The following GALNTL6 variants were observed in gnomAD, a reference collection of about 807,000 sequenced individuals.
The protein encoded by GALNTL6 is polypeptide N-acetylgalactosaminyltransferase like 6.
In GALNTL6, 46 loss-of-function variants were observed where a neutral mutation model predicts 73.7. The ratio of observed to expected loss-of-function variants is 0.62; its 90% confidence interval spans 0.49 to 0.80. The LOEUF (loss-of-function observed/expected upper bound fraction) is 0.80, where lower values mean the gene tolerates loss of function less well. Ranked by LOEUF, GALNTL6 falls within the 30% of genes least tolerant of loss-of-function variation. GALNTL6 has a pLI of 0.00. For missense variants in GALNTL6, 604 were observed against 755.0 expected, an observed-to-expected ratio of 0.80 and a Z score of 2.34; for synonymous variants, 259 against 263.7, an observed-to-expected ratio of 0.98 and a Z score of 0.17.
intron 5 of GALNTL6, among the ~76,000 whole-genome samples, chr4:172,717,556 G>T (rs146002787): frequency 6.6e-6 from 1 of 152,260 alleles, no homozygotes; most frequent in African/African-American, 2.4e-5. Context: ...GCCTATTTTA[G>T]GGTTGATATA....
At chr4:172,595,189 T>A (rs1202484589) in intron 5 of GALNTL6, among the ~76,000 whole-genome samples, 2 of 152,196 alleles carry the variant, frequency 1.3e-5, no homozygotes, top group African/African-American at 4.8e-5. Context: ...CATATGAATT[T>A]GTGGGGGAGC....
At chr4:172,297,132 G>T (rs1739710021) in intron 3 of GALNTL6, among the ~76,000 whole-genome samples, 1 of 152,148 alleles carries the variant, frequency 6.6e-6, no homozygotes, top group South Asian at 2.1e-4. Flanking sequence ...ATTTTTTCAT[G>T]TCTCTGTTGG....
intron 2 of GALNTL6, among the ~76,000 whole-genome samples, chr4:172,099,427 T>C (rs771898920): frequency 6.6e-6 from 1 of 152,178 alleles, no homozygotes; most frequent in Non-Finnish European, 1.5e-5. Flanking sequence ...ATTTAGTCCA[T>C]CCTTAAAGAA....
chr4:171,985,858 T>C (rs1740057036), intron 2 of GALNTL6, among the ~76,000 whole-genome samples: 1 of 151,382 alleles, frequency 6.6e-6, no homozygotes, highest in Admixed American at 6.6e-5. Flanking sequence ...ACCAACATGG[T>C]GAAACCCCAT....
At chr4:172,273,243 G>A (rs988362700) in intron 3 of GALNTL6, among the ~76,000 whole-genome samples, 3 of 152,116 alleles carry the variant, frequency 2.0e-5, no homozygotes, top group African/African-American at 7.2e-5. Flanking sequence ...TATAATATAT[G>A]TTTGAAGCTG....
At chr4:173,001,612 A>T (rs1451337000) in intron 10 of GALNTL6, among the ~76,000 whole-genome samples, 1 of 152,256 alleles carries the variant, frequency 6.6e-6, no homozygotes, top group East Asian at 1.9e-4. Context: ...TTTACAAGTC[A>T]TATATCTGAT....
intron 3 of GALNTL6, among the ~76,000 whole-genome samples, chr4:172,303,547 T>TA (rs1561015621): frequency 2.0e-5 from 3 of 152,230 alleles, no homozygotes; most frequent in Non-Finnish European, 4.4e-5. Context: ...CTGTTGCCTT[T>TA]AAAAAAATAA....
chr4:172,531,131 T>C (rs1427051431), intron 5 of GALNTL6, among the ~76,000 whole-genome samples: 1 of 152,180 alleles, frequency 6.6e-6, no homozygotes, highest in Non-Finnish European at 1.5e-5. Flanking sequence ...TTGATAGGTT[T>C]TTAGAAAGTC....
chr4:172,049,344 A>G (rs2110854729), intron 2 of GALNTL6, among the ~76,000 whole-genome samples: 1 of 152,298 alleles, frequency 6.6e-6, no homozygotes, highest in East Asian at 1.9e-4. Flanking sequence ...GAACAAAAAG[A>G]AACAGTAGAG....
intron 5 of GALNTL6, among the ~76,000 whole-genome samples, chr4:172,536,217 T>G (rs1279458675): frequency 6.6e-6 from 1 of 152,196 alleles, no homozygotes; most frequent in African/African-American, 2.4e-5. Flanking sequence ...TTACCCAGTC[T>G]CTGGTATGTT....
At chr4:172,065,864 A>C (rs891164975) in intron 2 of GALNTL6, among the ~76,000 whole-genome samples, 3 of 152,184 alleles carry the variant, frequency 2.0e-5, no homozygotes, top group African/African-American at 7.2e-5. Flanking sequence ...CCCTTATACA[A>C]GCATCAGATC....
chr4:172,557,555 C>A (rs1736194960), intron 5 of GALNTL6, among the ~76,000 whole-genome samples: 1 of 152,040 alleles, frequency 6.6e-6, no homozygotes, highest in African/African-American at 2.4e-5. Context: ...AATAAGAGGG[C>A]AAAATACCTG....
intron 2 of GALNTL6, among the ~76,000 whole-genome samples, chr4:172,093,857 A>C (rs1732276257): frequency 6.6e-6 from 1 of 152,210 alleles, no homozygotes; most frequent in Admixed American, 6.5e-5. Flanking sequence ...GAGACTGTTT[A>C]GTTGCAGGAA....
chr4:171,853,903 C>A (rs566731618), intron 2 of GALNTL6, among the ~76,000 whole-genome samples: 1 of 152,054 alleles, frequency 6.6e-6, no homozygotes, highest in Non-Finnish European at 1.5e-5. Context: ...TGAGCCACCG[C>A]GCCTGGCCTA....
At chr4:172,499,118 T>C (rs989946810) in intron 5 of GALNTL6, among the ~76,000 whole-genome samples, 2 of 152,076 alleles carry the variant, frequency 1.3e-5, no homozygotes, top group Non-Finnish European at 2.9e-5. Context: ...AAATAAATAA[T>C]ACAATACATA....
intron 5 of GALNTL6, among the ~76,000 whole-genome samples, chr4:172,568,706 C>T (rs1037875905): frequency 7.8e-6 from 1 of 128,300 alleles, no homozygotes; most frequent in African/African-American, 3.0e-5. Flanking sequence ...TGCAGTGAGC[C>T]GAGATTGCGC....
At chr4:172,900,099 G>T (rs1000235099) in intron 8 of GALNTL6, among the ~76,000 whole-genome samples, 1 of 152,086 alleles carries the variant, frequency 6.6e-6, no homozygotes, top group Non-Finnish European at 1.5e-5. Context: ...TATTTACCCA[G>T]CCTCTATTCA....
chr4:171,929,468 C>A (rs1208219927), intron 2 of GALNTL6, among the ~76,000 whole-genome samples: 1 of 152,080 alleles, frequency 6.6e-6, no homozygotes, highest in Non-Finnish European at 1.5e-5. Context: ...GCCTGGCACG[C>A]CCCAGACCCC....
intron 2 of GALNTL6, among the ~76,000 whole-genome samples, chr4:171,913,749 G>T (rs1367755083): frequency 6.6e-6 from 1 of 152,096 alleles, no homozygotes; most frequent in Admixed American, 6.6e-5. Flanking sequence ...AAATTAGGTG[G>T]TAATGAAAAC....
Sources: allele counts gnomAD v4.1 joint callset (sites outside exome capture counted in the v4.1 genomes callset), GRCh38; gene constraint gnomAD v4.1.1; transcripts MANE v1.5; gene names NCBI Gene and HGNC (gene_info 2026-07-23, HGNC 2026-07-21).